Variants in TNFRSF10A observed in about 807,000 individuals in gnomAD.
TNFRSF10A encodes tumor necrosis factor receptor superfamily member 10A.
TNFRSF10A carries 44 observed loss-of-function variants against 42.8 expected under a neutral mutation model. The observed-to-expected ratio is 1.03, with a 90% CI of 0.81 to 1.32. The LOEUF (loss-of-function observed/expected upper bound fraction) is 1.32. TNFRSF10A is among the 40% of genes most tolerant of loss of function. The probability of loss-of-function intolerance (pLI) is 0.00; values close to 1 mark genes in which losing one functional copy is unlikely to be tolerated. For missense variants in TNFRSF10A, 680 were observed against 602.0 expected (o/e 1.13, Z -1.36); for synonymous variants, 259 against 234.2 (o/e 1.11, Z -0.97).
chr8:23,199,738 C>A (rs573911826), intron 7 of TNFRSF10A, 148 bp downstream of exon 7: 4 of 1,124,252 alleles, frequency 3.6e-6, no homozygotes, highest in East Asian at 4.7e-5. Flanking sequence ...GGGCCTGTGT[C>A]CCCCATAGTC....
At position 23,200,755 on chromosome 8, in the gene TNFRSF10A, G is replaced by C; in HGVS notation, c.635C>G (p.Pro212Arg). Reference protein sequence around the residue: ...EMCRKCSRGCPRGMVKVKDCT... With the variant: ...EMCRKCSRGCRRGMVKVKDCT... ...ATCCTTGACCTTGACCATCCCTCTGGGGCACCTGGGTACACACAGGGAGGG... is the reference window on the plus strand; with the variant it reads ...ATCCTTGACCTTGACCATCCCTCTGCGGCACCTGGGTACACACAGGGAGGG... Residue 212 changes from proline (P) to arginine (R), a missense_variant, in exon 5 of 10, where the codon CCC becomes CGC. Transcript: ENST00000221132. 6.2e-7 allele frequency: 1 copy of C among 1,613,538 alleles called. No homozygotes were observed. Among genetic ancestry groups the C allele is most frequent in the Non-Finnish European group, 8.5e-7 (1 of 1,179,788 alleles).
chr8:23,199,803 G>A, intron 7 of TNFRSF10A, 83 bp downstream of exon 7: 1 of 1,593,896 alleles, frequency 6.3e-7, no homozygotes, highest in Non-Finnish European at 8.6e-7. Context: ...AGAGCACGGG[G>A]ACCCACCCAC....
chr8:23,220,071 C>G (rs1168575529), intron 1 of TNFRSF10A, among the ~76,000 whole-genome samples: 2 of 152,132 alleles, frequency 1.3e-5, no homozygotes, highest in African/African-American at 4.8e-5. Context: ...TCTGAGGTGC[C>G]GAGTGCACCC....
In TNFRSF10A at chr8:23,191,955, C is replaced by T. The variant is rs1462370124; in HGVS notation, c.1146G>A (p.Gln382=). Reference sequence around the variant, plus strand: ...TCGTGAGGTCCAGCTGCCTCATGAGCTGGTCCCAGGAGTCAAAGGGCACGA... The same window carrying T: ...TCGTGAGGTCCAGCTGCCTCATGAGTTGGTCCCAGGAGTCAAAGGGCACGA... ...ANIVPFDSWD[Q]LMRQLDLTKN... Residue 382 remains glutamine (Q), a synonymous_variant, in exon 10 of 10, where the codon CAG becomes CAA. Coordinates refer to ENST00000221132, the MANE Select transcript of TNFRSF10A (RefSeq NM_003844.4). 2 of 1,614,196 alleles carry T rather than the reference C, an allele frequency of 1.2e-6. No homozygotes were observed. Among genetic ancestry groups the T allele is most frequent in the Non-Finnish European group, 1.7e-6 (2 of 1,180,048 alleles).
chr8:23,224,206 A>G (rs1391118741), intron 1 of TNFRSF10A, among the ~76,000 whole-genome samples: 2 of 148,928 alleles, frequency 1.3e-5, no homozygotes, highest in Non-Finnish European at 3.0e-5. Flanking sequence ...AGGCTGAGGC[A>G]GGAGAATCGC....
At position 23,202,534 on chromosome 8, in the gene TNFRSF10A, G is replaced by A. The variant is rs1800946383; in HGVS notation, c.517+114C>T. On this transcript the variant is annotated intron_variant, in intron 3 of 9. Coordinates refer to ENST00000221132, the MANE Select transcript of TNFRSF10A (RefSeq NM_003844.4). ...ACCTAAGACATAACCATGGAACAGG[G>A]TATGATGAAGACCAAGTTGGGCTGG... The A allele has an allele frequency of 5.2e-6, 4 of 763,304 alleles. 1 individual carries two copies. The highest frequency in any genetic ancestry group is 3.8e-5 in the Admixed American group (2 of 52,926). The allele number at this position is 763,304 out of a possible 1,614,324, so 47.3% of individuals were successfully genotyped here.
At chr8:23,203,705 A>C (rs749256197) in intron 2 of TNFRSF10A, among the ~76,000 whole-genome samples, 4 of 152,250 alleles carry the variant, frequency 2.6e-5, no homozygotes, top group Non-Finnish European at 5.9e-5. Flanking sequence ...CGATGACGAC[A>C]CTACCAATTA....
At chr8:23,208,555 A>G (rs977324192) in intron 2 of TNFRSF10A, among the ~76,000 whole-genome samples, 1 of 152,080 alleles carries the variant, frequency 6.6e-6, no homozygotes, top group South Asian at 2.1e-4. Flanking sequence ...TCCTGGGTTC[A>G]CACCATTCTC....
Position 23,201,892 on chromosome 8 carries a change from G to T in TNFRSF10A, c.545C>A (p.Thr182Lys). The change falls in exon 4 of 10, where the codon ACG becomes AAG. Residue 182 changes from threonine to lysine, a missense_variant. Physicochemically the swap from Thr to Lys is moderately conservative, Grantham distance 78. Transcript: ENST00000221132. ...GCACTGACATGCTGTGTTCCTGGTC[G>T]TGGTGCAGGGACTTCTCTCTTCTTC... Reference protein sequence around the residue: ...SDEEERSPCTTTRNTACQCKP... With the variant: ...SDEEERSPCTKTRNTACQCKP... 1 of 1,614,132 alleles carries T rather than the reference G, an allele frequency of 6.2e-7. No homozygotes were observed. The highest frequency in any genetic ancestry group is 1.1e-5 in the South Asian group (1 of 91,074).
At chr8:23,194,928 G>A (rs73222579) in intron 9 of TNFRSF10A, among the ~76,000 whole-genome samples, 30,322 of 152,138 alleles carry the variant, frequency 0.2, 3,453 homozygotes, top group South Asian at 0.34. Flanking sequence ...CAAGGCAGGC[G>A]AATGTCTATC....
At chr8:23,222,802 A>G (rs1189621260) in intron 1 of TNFRSF10A, among the ~76,000 whole-genome samples, 1 of 152,034 alleles carries the variant, frequency 6.6e-6, no homozygotes, top group Non-Finnish European at 1.5e-5. Context: ...GGAGTTGTCA[A>G]TCTTAGTTCC....
At position 23,202,735 on chromosome 8, in the gene TNFRSF10A, C is replaced by A. The variant is rs771791120; in HGVS notation, c.430G>T (p.Ala144Ser). ...PGSHRSEHPG[A>S]CNRCTEGVGY... ...ACACCCTCTGTGCACCGGTTACAGG[C>A]TCCAGGATGTTCTGATCTATGAGAT... Residue 144 changes from alanine to serine, a missense_variant, in exon 3 of 10, where the codon GCC (alanine) becomes TCC (serine). Transcript: ENST00000221132. The A allele has an allele frequency of 3.7e-6, 6 of 1,613,856 alleles. No individual in the cohort carries two copies. The highest frequency in any genetic ancestry group is 5.1e-6 in the Non-Finnish European group (6 of 1,179,788).
rs780590308 is a variant in TNFRSF10A at position 23,191,905 on chromosome 8, G to C, written c.1196C>G (p.Ala399Gly). The change falls in exon 10 of 10, where the codon GCT becomes GGT. Residue 399 changes from alanine to glycine, a missense_variant. Coordinates refer to ENST00000221132, the MANE Select transcript of TNFRSF10A (RefSeq NM_003844.4). Reference protein sequence around the residue: ...LTKNEIDVVRAGTAGPGDALY... With the variant: ...LTKNEIDVVRGGTAGPGDALY... ...GGCATCCCCTGGGCCTGCTGTACCAGCTCTGACCACATCGATCTCATTTTT... is the reference window on the plus strand; with the variant it reads ...GGCATCCCCTGGGCCTGCTGTACCACCTCTGACCACATCGATCTCATTTTT... The C allele has an allele frequency of 1.2e-6, 2 of 1,614,148 alleles. No individual in the cohort carries two copies. The highest frequency in any genetic ancestry group is 4.5e-5 in the East Asian group (2 of 44,872).
At chr8:23,197,889 A>T (rs981027337) in intron 8 of TNFRSF10A, among the ~76,000 whole-genome samples, 1 of 152,256 alleles carries the variant, frequency 6.6e-6, no homozygotes, top group African/African-American at 2.4e-5. Flanking sequence ...TGCAGAGTGG[A>T]GGATGCTCTC....
intron 1 of TNFRSF10A, among the ~76,000 whole-genome samples, chr8:23,221,790 T>G (rs915326372): frequency 6.6e-6 from 1 of 152,094 alleles, no homozygotes; most frequent in African/African-American, 2.4e-5. Context: ...AATACAACAT[T>G]GAGGTCTATC....
chr8:23,192,314 G>T (rs1800767862), intron 9 of TNFRSF10A, among the ~76,000 whole-genome samples: 1 of 152,228 alleles, frequency 6.6e-6, no homozygotes, highest in African/African-American at 2.4e-5. Flanking sequence ...AAGCAAAGTG[G>T]GTGAGAGCCC....
chr8:23,203,999 G>A (rs1342818195), intron 2 of TNFRSF10A, among the ~76,000 whole-genome samples: 1 of 151,954 alleles, frequency 6.6e-6, no homozygotes, highest in Non-Finnish European at 1.5e-5. Flanking sequence ...GGATGGTCTC[G>A]ATCTCCTGAC....
chr8:23,193,626 C>A (rs572029818), intron 9 of TNFRSF10A, among the ~76,000 whole-genome samples: 2 of 152,218 alleles, frequency 1.3e-5, no homozygotes, highest in East Asian at 1.9e-4. Flanking sequence ...CCAGGCAGCA[C>A]GACTGGCTCC....
At chr8:23,209,002 G>A (rs1442571972) in intron 2 of TNFRSF10A, among the ~76,000 whole-genome samples, 1 of 152,190 alleles carries the variant, frequency 6.6e-6, no homozygotes, top group Admixed American at 6.5e-5. Context: ...ATAGTTTCCT[G>A]GTAGGAGTCC....
Sources: allele counts gnomAD v4.1 joint callset (sites outside exome capture counted in the v4.1 genomes callset), GRCh38; gene constraint gnomAD v4.1.1; transcripts MANE v1.5; gene names NCBI Gene and HGNC (gene_info 2026-07-23, HGNC 2026-07-21).